Variants in GRIK4 observed in about 807,000 individuals in gnomAD.
The protein encoded by GRIK4 is glutamate receptor ionotropic, kainate 4.
In GRIK4, 40 loss-of-function variants were observed where a neutral mutation model predicts 104.9. The ratio of observed to expected loss-of-function variants is 0.38; its 90% CI spans 0.30 to 0.50. The LOEUF (loss-of-function observed/expected upper bound fraction) is 0.50. Ranked by LOEUF, GRIK4 falls within the 20% of genes least tolerant of loss-of-function variation. GRIK4 has a pLI of 0.93. For synonymous variants in GRIK4, 485 were observed against 524.9 expected (o/e 0.92, Z 1.04); for missense variants, 1,047 against 1,308.1 (o/e 0.80, Z 3.08).
chr11:120,978,523 CAGTT>C (rs1944599396), intron 19 of GRIK4, among the ~76,000 whole-genome samples: 1 of 152,062 alleles, frequency 6.6e-6, no homozygotes, highest in Non-Finnish European at 1.5e-5. Context: ...GGATGTGTCA[CAGTT>C]AGATTTTGCA....
intron 8 of GRIK4, among the ~76,000 whole-genome samples, chr11:120,839,245 C>A (rs1953656680): frequency 6.6e-6 from 1 of 152,214 alleles, no homozygotes; most frequent in African/African-American, 2.4e-5. Flanking sequence ...CACCATGTCT[C>A]ATCACTCTGA....
intron 11 of GRIK4, among the ~76,000 whole-genome samples, chr11:120,896,310 G>A (rs1221991655): frequency 6.6e-6 from 1 of 152,234 alleles, no homozygotes; most frequent in African/African-American, 2.4e-5. Context: ...CAAGTTGGGT[G>A]GGCTCTTTTG....
Position 120,940,588 on chromosome 11 carries a change from G to A in GRIK4, c.1590+128G>A. 1.6e-6 allele frequency: 1 copy of A among 639,546 alleles called. No homozygotes were observed. Among genetic ancestry groups the A allele is most frequent in the South Asian group, 2.0e-5 (1 of 49,538 alleles). 39.6% of individuals were successfully genotyped at this position (639,546 alleles called of 1,614,324 possible). On this transcript the variant is annotated intron_variant, in intron 14 of 20. Coordinates refer to ENST00000527524, the MANE Select transcript of GRIK4 (RefSeq NM_014619.5). The surrounding 1 kb of genome is among the most constrained non-coding windows in gnomAD (Gnocchi z 4.3). ...CAAGACTTAAATGCAAATGTGCTGGGCTATTTTTTCTCCTATCATCTGCAC... is the reference window on the plus strand; with the variant it reads ...CAAGACTTAAATGCAAATGTGCTGGACTATTTTTTCTCCTATCATCTGCAC...
chr11:120,777,674 C>T (rs888873617), intron 3 of GRIK4, among the ~76,000 whole-genome samples: 6 of 152,190 alleles, frequency 3.9e-5, no homozygotes, highest in South Asian at 2.1e-4. Context: ...CGGTGGCTCA[C>T]GCCTGTAATC....
chr11:120,819,622 T>G lies in GRIK4; in HGVS notation c.346-133T>G. 1 of 773,998 alleles carries G rather than the reference T, an allele frequency of 1.3e-6. No individual in the cohort carries two copies. Among genetic ancestry groups the G allele is most frequent in the East Asian group, 2.5e-5 (1 of 40,408 alleles). The allele number at this position is 773,998 out of a possible 1,614,324, so 47.9% of individuals were successfully genotyped here. A position where few individuals can be genotyped will look rare whatever the true frequency, so the allele number is the denominator to read the frequency against. Reference sequence around the variant, plus strand: ...ACGGAGTGGGTGCCCTGGGAGCTCCTTCTCCCATTGGTGTCTGGCGAAGGT... The same window carrying G: ...ACGGAGTGGGTGCCCTGGGAGCTCCGTCTCCCATTGGTGTCTGGCGAAGGT... On this transcript the variant is annotated intron_variant, in intron 5 of 20. Transcript: ENST00000527524. This position sits in a 1 kb window ranked among gnomAD's most constrained non-coding sequence, Gnocchi z 4.3.
intron 3 of GRIK4, among the ~76,000 whole-genome samples, chr11:120,715,301 C>T (rs897074261): frequency 3.9e-5 from 6 of 152,164 alleles, no homozygotes; most frequent in East Asian, 1.9e-4. Context: ...GCAAGAAAGT[C>T]GACCCTGCAA....
chr11:120,838,626 G>T (rs189759643), intron 8 of GRIK4, among the ~76,000 whole-genome samples: 8 of 152,324 alleles, frequency 5.3e-5, no homozygotes, highest in African/African-American at 1.9e-4. Flanking sequence ...GCCAGTAAGA[G>T]AATATTCTAG....
At chr11:120,707,185 A>G (rs916370289) in intron 3 of GRIK4, among the ~76,000 whole-genome samples, 1 of 152,188 alleles carries the variant, frequency 6.6e-6, no homozygotes, top group Non-Finnish European at 1.5e-5. Context: ...GTAATGAGAC[A>G]AGAACCCTGG....
intron 8 of GRIK4, among the ~76,000 whole-genome samples, chr11:120,853,960 T>C (rs1954039791): frequency 6.6e-6 from 1 of 152,226 alleles, no homozygotes; most frequent in African/African-American, 2.4e-5. Context: ...TAATTCCATG[T>C]CTGTCTTAGG....
At chr11:120,868,235 C>T (rs1954479097) in intron 9 of GRIK4, 1 of 152,190 alleles carries the variant, frequency 6.6e-6, no homozygotes, top group Admixed American at 6.5e-5. Flanking sequence ...CAGAGCCTTG[C>T]ATTCCCCTAA....
At chr11:120,866,212 G>A (rs1220664089) in intron 9 of GRIK4, among the ~76,000 whole-genome samples, 4 of 152,282 alleles carry the variant, frequency 2.6e-5, no homozygotes, top group South Asian at 4.2e-4. Context: ...GCTGTTATCC[G>A]GATGCGCCAT....
intron 1 of GRIK4, among the ~76,000 whole-genome samples, chr11:120,548,104 A>G (rs2136093090): frequency 6.6e-6 from 1 of 152,322 alleles, no homozygotes; most frequent in Middle Eastern, 3.4e-3. Flanking sequence ...TGGCGCTGGT[A>G]GGTGACTCAG....
At chr11:120,726,607 G>A (rs1951031366) in intron 3 of GRIK4, among the ~76,000 whole-genome samples, 1 of 152,174 alleles carries the variant, frequency 6.6e-6, no homozygotes. Flanking sequence ...AATTGGGAAG[G>A]AGGTGGTGCC....
intron 3 of GRIK4, among the ~76,000 whole-genome samples, chr11:120,769,857 G>A (rs983222952): frequency 1.7e-4 from 26 of 152,354 alleles, no homozygotes; most frequent in African/African-American, 6.3e-4. Flanking sequence ...TACAACATCT[G>A]TGTGGTGCTC....
intron 1 of GRIK4, among the ~76,000 whole-genome samples, chr11:120,578,903 GC>G (rs1412720892): frequency 1.3e-5 from 2 of 152,350 alleles, no homozygotes; most frequent in East Asian, 3.9e-4. Context: ...CTGGGTTTGA[GC>G]CCTGACTCTG....
At chr11:120,512,373 C>G (rs890670790) in intron 1 of GRIK4, among the ~76,000 whole-genome samples, 5 of 151,980 alleles carry the variant, frequency 3.3e-5, no homozygotes, top group East Asian at 2.0e-4. Flanking sequence ...TGCAGCCCCC[C>G]ATCCCGGCTC....
chr11:120,751,676 C>T (rs12804621), intron 3 of GRIK4, among the ~76,000 whole-genome samples: 42,459 of 152,090 alleles, frequency 0.28, 6,927 homozygotes, highest in Middle Eastern at 0.43. Context: ...GACCATGTTC[C>T]CACCAGGAAA....
intron 16 of GRIK4, among the ~76,000 whole-genome samples, chr11:120,959,668 A>G (rs1944246007): frequency 6.6e-6 from 1 of 152,240 alleles, no homozygotes; most frequent in African/African-American, 2.4e-5. Context: ...TGGACTTAGC[A>G]TATATGCTGC....
intron 3 of GRIK4, among the ~76,000 whole-genome samples, chr11:120,747,496 G>A (rs184542755): frequency 1.0e-3 from 159 of 152,218 alleles, no homozygotes; most frequent in African/African-American, 3.7e-3. Context: ...CCCCATAAAC[G>A]GATTACCCTA....
Sources: allele counts gnomAD v4.1 joint callset (sites outside exome capture counted in the v4.1 genomes callset), GRCh38; gene constraint gnomAD v4.1.1; non-coding constraint Gnocchi (gnomAD v3.1); transcripts MANE v1.5; gene names NCBI Gene and HGNC (gene_info 2026-07-23, HGNC 2026-07-21).